DYNC2I2: variants seen among roughly 807,000 people sequenced by gnomAD.
The protein encoded by DYNC2I2 is dynein 2 intermediate chain 2, also known as cytoplasmic dynein 2 intermediate chain 2.
In DYNC2I2, 39 loss-of-function variants were observed where a neutral mutation model predicts 52.0. That is an observed-to-expected ratio of 0.75 (90% CI 0.58 to 0.98). The LOEUF is 0.98. Among genes scored for constraint, DYNC2I2 ranks in the 50% least tolerant of loss-of-function variants. The probability of loss-of-function intolerance (pLI) is 0.00; values close to 1 mark genes in which losing one functional copy is unlikely to be tolerated. For synonymous variants in DYNC2I2, 359 were observed against 321.1 expected (o/e 1.12, Z -1.26); for missense variants, 743 against 728.4 (o/e 1.02, Z -0.23).
chr9:128,633,751 G>T lies in DYNC2I2; in HGVS notation c.1604C>A (p.Ala535Glu), dbSNP rs758735687. Reference protein sequence around the residue: ...EDLDCLAAEVAA With the variant: ...EDLDCLAAEVEA The stretch of plus-strand genomic sequence containing the variant: ...CCCGCCTCCCGGGACCCCTCAGGCC[G>T]CCACCTCTGCTGCCAGGCAGTCCAG... The change falls in exon 9 of 9, where the codon GCG (alanine) becomes GAG (glutamate). Residue 535 changes from alanine to glutamate, a missense_variant. Transcript: ENST00000372715. The T allele has an allele frequency of 3.7e-5, 60 of 1,612,646 alleles. No homozygotes were observed. Among genetic ancestry groups the T allele is most frequent in the Non-Finnish European group, 5.0e-5 (59 of 1,179,988 alleles).
the DYNC2I2 span, among the ~76,000 whole-genome samples, chr9:128,680,960 G>A: frequency 6.6e-6 from 1 of 152,182 alleles, no homozygotes; most frequent in Non-Finnish European, 1.5e-5. Flanking sequence ...ACAGGCGTGA[G>A]CCGCCACACC....
intron 2 of DYNC2I2, among the ~76,000 whole-genome samples, chr9:128,638,747 G>A (rs1002379086): frequency 1.3e-5 from 2 of 152,102 alleles, no homozygotes; most frequent in African/African-American, 4.8e-5. Flanking sequence ...GTACACCAAT[G>A]TCCACAAGAG....
At chr9:128,662,260 T>G in the DYNC2I2 span, among the ~76,000 whole-genome samples, 1 of 150,554 alleles carries the variant, frequency 6.6e-6, no homozygotes, top group Non-Finnish European at 1.5e-5. Flanking sequence ...GCCTGAAACC[T>G]GAAGGGGGCT....
chr9:128,656,889 G>C (rs889123124), upstream of DYNC2I2: 4 of 735,544 alleles, frequency 5.4e-6, no homozygotes, highest in Non-Finnish European at 7.8e-6. Flanking sequence ...GATTCTTCTC[G>C]GCCAGAGAGA....
chr9:128,672,199 T>C, the DYNC2I2 span, among the ~76,000 whole-genome samples: 42 of 151,360 alleles, frequency 2.8e-4, no homozygotes, highest in Non-Finnish European at 5.6e-4. Context: ...CTTGATCTCC[T>C]GAACTCGTGA....
At chr9:128,654,299 G>A (rs1860775432) in intron 1 of DYNC2I2, among the ~76,000 whole-genome samples, 1 of 152,262 alleles carries the variant, frequency 6.6e-6, no homozygotes, top group South Asian at 2.1e-4. Context: ...GCCTTGGGGA[G>A]GATTTGGGCT....
chr9:128,673,806 ATT>A, the DYNC2I2 span, among the ~76,000 whole-genome samples: 131 of 115,674 alleles, frequency 1.1e-3, no homozygotes, highest in African/African-American at 3.5e-3. Flanking sequence ...GCACCCAGCT[ATT>A]TTTTTTTTTT....
At chr9:128,662,153 A>C in the DYNC2I2 span, among the ~76,000 whole-genome samples, 1 of 147,946 alleles carries the variant, frequency 6.8e-6, no homozygotes, top group Non-Finnish European at 1.5e-5. Context: ...GAATCACTTG[A>C]ACCTGGGAGG....
intron 2 of DYNC2I2, among the ~76,000 whole-genome samples, chr9:128,639,157 T>C (rs1264799846): frequency 3.3e-5 from 5 of 152,070 alleles, no homozygotes; most frequent in African/African-American, 9.7e-5. Context: ...CACAGCACTT[T>C]GGGAGGCCAA....
the DYNC2I2 span, among the ~76,000 whole-genome samples, chr9:128,664,900 G>A: frequency 1.3e-4 from 19 of 151,870 alleles, no homozygotes; most frequent in Admixed American, 1.2e-3. Context: ...AAGGGTGGAG[G>A]AGCACTTGAG....
Position 128,647,441 on chromosome 9 carries a change from A to C in DYNC2I2, c.187-6502T>G, listed in dbSNP as rs140107076. ...CCAGAGCCAGCCTCCCACACCTAGA[A>C]AGTGTATTCAGGGGCCAGGCGCTAT... On this transcript the variant is annotated intron_variant, in intron 1 of 8. Coordinates refer to ENST00000372715, the MANE Select transcript of DYNC2I2 (RefSeq NM_052844.4). 7.2e-3 allele frequency among the ~76,000 whole-genome samples: 1,092 copies of C among 152,232 alleles called. 18 individuals are homozygous for C. The highest frequency in any genetic ancestry group is 0.025 in the African/African-American group (1,035 of 41,544).
At chr9:128,648,206 C>T (rs1589435005) in intron 1 of DYNC2I2, among the ~76,000 whole-genome samples, 1 of 151,316 alleles carries the variant, frequency 6.6e-6, no homozygotes, top group Admixed American at 6.6e-5. Context: ...GCCAGGAGTT[C>T]GAGCACCCTG....
At chr9:128,665,268 G>A in the DYNC2I2 span, among the ~76,000 whole-genome samples, 1 of 151,732 alleles carries the variant, frequency 6.6e-6, no homozygotes, top group Non-Finnish European at 1.5e-5. Flanking sequence ...GGTCAGGCTG[G>A]TCTCAAACTC....
intron 4 of DYNC2I2, 44 bp downstream of exon 4, chr9:128,636,237 C>T: frequency 6.4e-7 from 1 of 1,551,992 alleles, no homozygotes. Context: ...GGGCGGGAAG[C>T]TGAGTCCTGA....
the DYNC2I2 span, among the ~76,000 whole-genome samples, chr9:128,670,415 G>A: frequency 6.6e-6 from 1 of 151,778 alleles, no homozygotes; most frequent in African/African-American, 2.4e-5. Flanking sequence ...ACCCCAGCCT[G>A]GGTGACAAGA....
the DYNC2I2 span, among the ~76,000 whole-genome samples, chr9:128,672,790 G>A: frequency 2.3e-4 from 35 of 152,122 alleles, no homozygotes; most frequent in Non-Finnish European, 4.7e-4. Flanking sequence ...CATTTTGGGA[G>A]GCCGAGGCAG....
chr9:128,649,688 C>CAAAAAAAAAA lies in DYNC2I2; in HGVS notation c.186+6843_186+6852dup, dbSNP rs34154610. Reference sequence around the variant, plus strand: ...TGGGCAAGACAGTGAGACTCCATCTCAAAAAAAAAAAAAAAAAAAAACTGG... The same window carrying CAAAAAAAAAA: ...TGGGCAAGACAGTGAGACTCCATCTCAAAAAAAAAAAAAAAAAAAAAAAAAAAAAAACTGG... On this transcript the variant is annotated intron_variant, in intron 1 of 8. Coordinates refer to ENST00000372715, the MANE Select transcript of DYNC2I2 (RefSeq NM_052844.4). Among the ~76,000 whole-genome samples the CAAAAAAAAAA allele has an allele frequency of 1.2e-3, 57 of 47,228 alleles. 4 individuals carry two copies. Among genetic ancestry groups the CAAAAAAAAAA allele is most frequent in the African/African-American group, 7.2e-3 (53 of 7,322 alleles). The allele number at this position is 47,228 out of a possible 152,430, so 31.0% of individuals were successfully genotyped here.
intron 1 of DYNC2I2, among the ~76,000 whole-genome samples, chr9:128,644,566 A>G (rs1860577617): frequency 6.6e-6 from 1 of 152,136 alleles, no homozygotes; most frequent in Admixed American, 6.6e-5. Context: ...GGCGTGAGCC[A>G]CCGCACCTGT....
chr9:128,681,373 G>T, the DYNC2I2 span, among the ~76,000 whole-genome samples: 2 of 152,226 alleles, frequency 1.3e-5, no homozygotes, highest in Non-Finnish European at 2.9e-5. Flanking sequence ...TTACAGGTGT[G>T]AGCCACCTCG....
Sources: gnomAD v4.1 joint callset for allele counts (sites outside exome capture counted in the v4.1 genomes callset) on GRCh38, gnomAD v4.1.1 for gene constraint, MANE v1.5 for transcripts, NCBI Gene and HGNC (gene_info 2026-07-23, HGNC 2026-07-21) for gene names.